COL9A2: variants seen among roughly 807,000 people sequenced by gnomAD.
COL9A2 encodes the protein collagen type IX alpha 2 chain.
A neutral mutation model predicts 111.6 loss-of-function variants in COL9A2; 66 were observed. That is an observed-to-expected ratio of 0.59 (90% CI 0.48 to 0.73). COL9A2 has a LOEUF of 0.73. COL9A2 is among the 30% of genes least tolerant of loss of function. The pLI is 0.00. For synonymous variants in COL9A2, 353 were observed against 364.1 expected, an observed-to-expected ratio of 0.97 and a Z score of 0.35; for missense variants, 881 against 954.1, an observed-to-expected ratio of 0.92 and a Z score of 1.01.
At position 40,304,092 on chromosome 1, in the gene COL9A2, G is replaced by A. The variant is rs1462001219; in HGVS notation, c.1295C>T (p.Pro432Leu). 2 of 1,565,172 alleles carry A rather than the reference G, an allele frequency of 1.3e-6. No individual in the cohort carries two copies. The highest frequency in any genetic ancestry group is 1.7e-6 in the Non-Finnish European group (2 of 1,156,572). The change falls in exon 25 of 32, where the codon CCA (proline) becomes CTA (leucine). Residue 432 changes from proline to leucine, a missense_variant. By Grantham distance (98) the Pro-to-Leu change is moderately conservative. Transcript: ENST00000372748. Reference protein sequence around the residue: ...LPGVKGDKGSPGKTGPRGKVG... With the variant: ...LPGVKGDKGSLGKTGPRGKVG... Reference sequence around the variant, plus strand: ...TTTGCCGCGGGGCCCGGTCTTCCCTGGGGAGCCCTGGAGAAAGCGGGCAGT... The same window carrying A: ...TTTGCCGCGGGGCCCGGTCTTCCCTAGGGAGCCCTGGAGAAAGCGGGCAGT...
chr1:40,314,420 A>G lies in COL9A2; in HGVS notation c.151-33T>C, dbSNP rs1644183015. 1.2e-6 allele frequency: 2 copies of G among 1,613,920 alleles called. No homozygotes were observed. The highest frequency in any genetic ancestry group is 1.1e-5 in the South Asian group (1 of 91,086). On this transcript the variant is annotated intron_variant, in intron 2 of 31. Coordinates refer to ENST00000372748, the MANE Select transcript of COL9A2 (RefSeq NM_001852.4). This position sits in a 1 kb window ranked among gnomAD's most constrained non-coding sequence, Gnocchi z 4.1. ...ATACAAGTTGGTGAGACAGCACACTACGGCTCACACTACCCCAAGTGGGCA... is the reference window on the plus strand; with the variant it reads ...ATACAAGTTGGTGAGACAGCACACTGCGGCTCACACTACCCCAAGTGGGCA...
rs1050604245 is a variant in COL9A2, at chr1:40,312,480, C to G, written c.340-1G>C. 9 of 1,613,758 alleles carry G rather than the reference C, an allele frequency of 5.6e-6. No homozygotes were observed. The highest frequency in any genetic ancestry group is 7.6e-6 in the Non-Finnish European group (9 of 1,179,908). ...CAGGAGGTCCAGCAAAACCAGGGCC[C>G]TGGAACAGAAAGAAAGAAAATTGGC... On this transcript the variant is annotated splice_acceptor_variant, in intron 6 of 31. Transcript: ENST00000372748. LOFTEE classifies it high-confidence loss of function. The surrounding 1 kb of genome is among the most constrained non-coding windows in gnomAD (Gnocchi z 6.0).
At chr1:40,304,040 G>C (rs146731672) in intron 25 of COL9A2, 24 bp downstream of exon 25, 15 of 1,577,376 alleles carry the variant, frequency 9.5e-6, no homozygotes, top group Admixed American at 3.7e-5. Context: ...GGGGGTCGCT[G>C]GGAACAGGGG....
At chr1:40,304,026 G>A in intron 25 of COL9A2, 38 bp downstream of exon 25, 1 of 1,574,496 alleles carries the variant, frequency 6.4e-7, no homozygotes, top group African/African-American at 1.3e-5. Context: ...CGCAGAGCAG[G>A]GTTGGGGGTC....
At position 40,314,454 on chromosome 1, in the gene COL9A2, C is replaced by A. The variant is rs1644183942; in HGVS notation, c.151-67G>T. On this transcript the variant is annotated intron_variant, in intron 2 of 31. Transcript: ENST00000372748. This position sits in a 1 kb window ranked among gnomAD's most constrained non-coding sequence, Gnocchi z 4.1. ...ACTACCCCAAGTGGGCACACACAGG[C>A]CCTGGCAGGCCGCTCCCAAAGGCTC... The A allele has an allele frequency of 1.3e-6, 2 of 1,591,208 alleles. No individual in the cohort carries two copies. Among genetic ancestry groups the A allele is most frequent in the South Asian group, 2.2e-5 (2 of 90,590 alleles).
In COL9A2 at chr1:40,300,875, C is replaced by T; in HGVS notation, c.*307G>A. 1 of 347,308 alleles carries T rather than the reference C, an allele frequency of 2.9e-6. No homozygotes were observed. Among genetic ancestry groups the T allele is most frequent in the Non-Finnish European group, 5.4e-6 (1 of 184,510 alleles). The allele number at this position is 347,308 out of a possible 1,614,324, so 21.5% of individuals were successfully genotyped here. A position where few individuals can be genotyped will look rare whatever the true frequency, so the allele number is the denominator to read the frequency against. ...ACAAGATGGCCAGTGGAGAAAGGTG[C>T]AGATTAAGATGTTTGTTTTGGTAAC... On this transcript the variant is annotated 3_prime_UTR_variant, in exon 32 of 32. Coordinates refer to ENST00000372748, the MANE Select transcript of COL9A2 (RefSeq NM_001852.4). The surrounding 1 kb of genome is among the most constrained non-coding windows in gnomAD (Gnocchi z 4.4).
rs567587686 is a variant in COL9A2, at chr1:40,303,519, G to A, written c.1548+11C>T. 14 of 1,612,730 alleles carry A rather than the reference G, an allele frequency of 8.7e-6. No individual in the cohort carries two copies. In the East Asian group the frequency reaches 2.5e-4, roughly 28 times the overall value. On this transcript the variant is annotated intron_variant, in intron 28 of 31. Coordinates refer to ENST00000372748, the MANE Select transcript of COL9A2 (RefSeq NM_001852.4). The surrounding 1 kb of genome is among the most constrained non-coding windows in gnomAD (Gnocchi z 4.6). ...TAGAAGAAGCACCTCCTACCCCGGG[G>A]CCCGACTCACCTCCACGCCCTGTCT...
In COL9A2 at chr1:40,311,398, C is replaced by T. The variant is rs1644122898; in HGVS notation, c.519+102G>A. On this transcript the variant is annotated intron_variant, in intron 10 of 31. Coordinates refer to ENST00000372748, the MANE Select transcript of COL9A2 (RefSeq NM_001852.4). The surrounding 1 kb of genome is among the most constrained non-coding windows in gnomAD (Gnocchi z 5.1). ...CCTGGTGGAACCCCTGCACTGCAGC[C>T]CCTCCCCATCTCTCCAGACACCCCC... is the stretch of plus-strand genomic sequence containing the variant. 1.3e-5 allele frequency: 20 copies of T among 1,576,050 alleles called. No individual in the cohort carries two copies. Among genetic ancestry groups the T allele is most frequent in the Non-Finnish European group, 1.6e-5 (18 of 1,155,180 alleles).
chr1:40,302,690 G>A lies in COL9A2; in HGVS notation c.1723C>T (p.His575Tyr). Residue 575 changes from histidine to tyrosine, a missense_variant, in exon 30 of 32, where the codon CAC (histidine) becomes TAC (tyrosine). By Grantham distance (83) the His-to-Tyr change is moderately conservative. Coordinates refer to ENST00000372748, the MANE Select transcript of COL9A2 (RefSeq NM_001852.4). The surrounding 1 kb of genome is among the most constrained non-coding windows in gnomAD (Gnocchi z 4.5). ...GYPGKQGPHG[H>Y]PGPRGVPGIV... The stretch of plus-strand genomic sequence containing the variant: ...CCAGGAACGCCCCGAGGGCCAGGGT[G>A]CCCATGGGGGCCCTGCTTGCCTGGG... 1 of 1,592,458 alleles carries A rather than the reference G, an allele frequency of 6.3e-7. No individual in the cohort carries two copies. Among genetic ancestry groups the A allele is most frequent in the Non-Finnish European group, 8.5e-7 (1 of 1,170,866 alleles).
chr1:40,304,608 G>A, intron 22 of COL9A2, 79 bp from the exon 23 acceptor site: 1 of 1,539,844 alleles, frequency 6.5e-7, no homozygotes. Context: ...GGCACCGCAT[G>A]GTCAGGGTGC....
At chr1:40,308,293 G>A in intron 16 of COL9A2, 48 bp from the exon 17 acceptor site, 1 of 1,579,378 alleles carries the variant, frequency 6.3e-7, no homozygotes, top group East Asian at 2.3e-5. Flanking sequence ...TTGGGCCCCT[G>A]TCTGGCTGTG....
intron 1 of COL9A2, chr1:40,315,982 C>T (rs1318544523): frequency 2.9e-5 from 9 of 306,760 alleles, no homozygotes; most frequent in Non-Finnish European, 4.8e-5. Context: ...CTGCCCGACT[C>T]CTTCCACTGT....
Position 40,302,153 on chromosome 1 carries a change from C to G in COL9A2, c.1793-264G>C, listed in dbSNP as rs1008183863. On this transcript the variant is annotated intron_variant, in intron 30 of 31. Transcript: ENST00000372748. The surrounding 1 kb of genome is among the most constrained non-coding windows in gnomAD (Gnocchi z 4.5). ...GTGTCTCAGTGAACTAAGACAAACT[C>G]TATGTAAACTACTCTAAGGATAGTC... 1.3e-5 allele frequency among the ~76,000 whole-genome samples: 2 copies of G among 152,134 alleles called. No homozygotes were observed. Among genetic ancestry groups the G allele is most frequent in the African/African-American group, 4.8e-5 (2 of 41,428 alleles).
intron 16 of COL9A2, 126 bp from the exon 17 acceptor site, chr1:40,308,371 T>C (rs937442608): frequency 1.2e-4 from 120 of 961,390 alleles, no homozygotes; most frequent in South Asian, 4.2e-5. Context: ...GGCCACACCA[T>C]GCAGGGGCCG....
In COL9A2 at chr1:40,312,210, T is replaced by TA; in HGVS notation, c.364-99dup. 6.0e-6 allele frequency: 7 copies of TA among 1,169,268 alleles called. No individual in the cohort carries two copies. The highest frequency in any genetic ancestry group is 7.3e-6 in the Non-Finnish European group (6 of 827,402). The allele number at this position is 1,169,268 out of a possible 1,614,324, so 72.4% of individuals were successfully genotyped here. On this transcript the variant is annotated intron_variant, in intron 7 of 31. Coordinates refer to ENST00000372748, the MANE Select transcript of COL9A2 (RefSeq NM_001852.4). This position sits in a 1 kb window ranked among gnomAD's most constrained non-coding sequence, Gnocchi z 6.0. ...CACCCAAAGCCCGTTTCTCCACTTT[T>TA]ACTTTTTTTTTTTTTTTGCCAACCC...
intron 1 of COL9A2, 24 bp from the exon 2 acceptor site, chr1:40,315,688 G>C (rs1478607077): frequency 6.5e-7 from 1 of 1,537,508 alleles, no homozygotes; most frequent in Non-Finnish European, 8.8e-7. Context: ...ACGGGGTGGG[G>C]CAGTCCTCAG....
At position 40,314,168 on chromosome 1, in the gene COL9A2, A is replaced by G. The variant is rs1347075192; in HGVS notation, c.249+37T>C. 7 of 1,606,638 alleles carry G rather than the reference A, an allele frequency of 4.4e-6. No homozygotes were observed. Among genetic ancestry groups the G allele is most frequent in the East Asian group, 2.2e-5 (1 of 44,842 alleles). ...CCAGGCCCTGGAGGTCAATTGGCAG[A>G]GCCCTACCCTGCCCCACCCGACACT... On this transcript the variant is annotated intron_variant, in intron 4 of 31. Transcript: ENST00000372748. This position sits in a 1 kb window ranked among gnomAD's most constrained non-coding sequence, Gnocchi z 4.1.
Position 40,312,092 on chromosome 1 carries a change from G to T in COL9A2, c.384C>A (p.Gly128=). The T allele has an allele frequency of 1.2e-6, 2 of 1,602,468 alleles. No individual in the cohort carries two copies. Among genetic ancestry groups the T allele is most frequent in the Non-Finnish European group, 1.7e-6 (2 of 1,176,176 alleles). The change falls in exon 8 of 32, where the codon GGC becomes GGA. Residue 128 remains glycine (G), a synonymous_variant. Coordinates refer to ENST00000372748, the MANE Select transcript of COL9A2 (RefSeq NM_001852.4). This position sits in a 1 kb window ranked among gnomAD's most constrained non-coding sequence, Gnocchi z 6.0. ...AGPPGPPGPV[G]LPGEIGIRGP... The stretch of plus-strand genomic sequence containing the variant: ...CTCGGATTCCAATCTCACCAGGGAG[G>T]CCAACAGGTCCAGGAGGCCCCTGGG...
chr1:40,303,086 G>T lies in COL9A2; in HGVS notation c.1603+45C>A. The T allele has an allele frequency of 3.1e-6, 5 of 1,590,522 alleles. No individual in the cohort carries two copies. The highest frequency in any genetic ancestry group is 4.3e-6 in the Non-Finnish European group (5 of 1,165,992). The stretch of plus-strand genomic sequence containing the variant: ...GGCTCCGGGAGGGGGTGAGGGGGCG[G>T]CGATGCCCTCGAACTGACTGTGAGG... On this transcript the variant is annotated intron_variant, in intron 29 of 31. Transcript: ENST00000372748. The surrounding 1 kb of genome is among the most constrained non-coding windows in gnomAD (Gnocchi z 4.6).
Sources: allele counts gnomAD v4.1 joint callset (sites outside exome capture counted in the v4.1 genomes callset), GRCh38; gene constraint gnomAD v4.1.1; non-coding constraint Gnocchi (gnomAD v3.1); transcripts MANE v1.5; gene names NCBI Gene and HGNC (gene_info 2026-07-23, HGNC 2026-07-21).